Variants in ARHGAP24 observed in about 807,000 individuals in gnomAD.
ARHGAP24 encodes Rho GTPase activating protein 24.
Under a neutral mutation model 76.4 loss-of-function variants are expected in ARHGAP24, and 50 were observed. The observed-to-expected ratio is 0.65, with a 90% CI of 0.52 to 0.83. The LOEUF is 0.83. Among genes scored for constraint, ARHGAP24 ranks in the 40% least tolerant of loss-of-function variants. The pLI, the probability that ARHGAP24 is intolerant of heterozygous loss-of-function variation, is 0.00. For missense variants in ARHGAP24, 930 were observed against 914.2 expected, an observed-to-expected ratio of 1.02 and a Z score of -0.22; for synonymous variants, 345 against 323.3, an observed-to-expected ratio of 1.07 and a Z score of -0.72.
chr4:85,511,284 G>GTAAT (rs1400231938), intron 1 of ARHGAP24, among the ~76,000 whole-genome samples: 1 of 152,014 alleles, frequency 6.6e-6, no homozygotes, highest in Non-Finnish European at 1.5e-5. Context: ...TCTTCTATGT[G>GTAAT]TAATTAAATG....
At chr4:85,678,401 T>A (rs1472865814) in intron 2 of ARHGAP24, among the ~76,000 whole-genome samples, 7 of 152,172 alleles carry the variant, frequency 4.6e-5, no homozygotes. Context: ...AGGGCTATTT[T>A]CTTTGAAAAG....
chr4:85,531,629 A>T (rs529238857), intron 1 of ARHGAP24, among the ~76,000 whole-genome samples: 12 of 152,260 alleles, frequency 7.9e-5, no homozygotes, highest in African/African-American at 2.9e-4. Context: ...TGTGCTTTAA[A>T]TGTAAAATAA....
intron 3 of ARHGAP24, among the ~76,000 whole-genome samples, chr4:85,881,169 C>G (rs572597239): frequency 6.6e-6 from 1 of 152,270 alleles, no homozygotes; most frequent in East Asian, 1.9e-4. Context: ...GTAGTGTATA[C>G]AGCATGGATA....
chr4:85,579,221 C>T (rs1366248934), intron 2 of ARHGAP24, among the ~76,000 whole-genome samples: 1 of 152,028 alleles, frequency 6.6e-6, no homozygotes, highest in Non-Finnish European at 1.5e-5. Flanking sequence ...CTCACATCTA[C>T]TCTTATTAAC....
chr4:85,709,482 A>C (rs1724441238), intron 2 of ARHGAP24, among the ~76,000 whole-genome samples: 1 of 152,174 alleles, frequency 6.6e-6, no homozygotes, highest in African/African-American at 2.4e-5. Context: ...GAAATGTTAA[A>C]GAGCACAGTA....
intron 3 of ARHGAP24, among the ~76,000 whole-genome samples, chr4:85,873,373 T>C (rs1345888574): frequency 1.3e-5 from 2 of 152,220 alleles, no homozygotes; most frequent in Non-Finnish European, 2.9e-5. Flanking sequence ...TTTCTTGCTT[T>C]TCTCCCTATT....
At chr4:85,797,048 T>TAC (rs1728373780) in intron 3 of ARHGAP24, among the ~76,000 whole-genome samples, 1 of 152,186 alleles carries the variant, frequency 6.6e-6, no homozygotes, top group Non-Finnish European at 1.5e-5. Context: ...GGAGCCAGCA[T>TAC]ACAGGCTCTA....
At chr4:85,803,366 T>C (rs963179177) in intron 3 of ARHGAP24, among the ~76,000 whole-genome samples, 1 of 152,210 alleles carries the variant, frequency 6.6e-6, no homozygotes. Context: ...TGTTCTTAAC[T>C]AAATTAGAGC....
intron 2 of ARHGAP24, among the ~76,000 whole-genome samples, chr4:85,576,983 TG>T (rs1727403599): frequency 6.6e-6 from 1 of 151,948 alleles, no homozygotes; most frequent in Admixed American, 6.6e-5. Context: ...AACATTATTT[TG>T]GGTATTAAAT....
At chr4:85,740,224 GT>G (rs35165918) in intron 3 of ARHGAP24, among the ~76,000 whole-genome samples, 73,116 of 144,392 alleles carry the variant, frequency 0.51, 21,603 homozygotes, top group Non-Finnish European at 0.69. Flanking sequence ...TGTTGTTGGG[GT>G]TTTTTTTTTT....
At chr4:85,569,594 T>C (rs1726994051) in intron 1 of ARHGAP24, among the ~76,000 whole-genome samples, 1 of 152,228 alleles carries the variant, frequency 6.6e-6, no homozygotes, top group Non-Finnish European at 1.5e-5. Context: ...TTCCTCATCA[T>C]GTCATGACTG....
intron 3 of ARHGAP24, among the ~76,000 whole-genome samples, chr4:85,727,885 G>A (rs1160654547): frequency 1.3e-5 from 2 of 151,814 alleles, no homozygotes; most frequent in African/African-American, 4.8e-5. Flanking sequence ...CTTCCTCCAG[G>A]GAAAGAAAAG....
At chr4:85,594,838 C>T (rs984346992) in intron 2 of ARHGAP24, among the ~76,000 whole-genome samples, 4 of 152,002 alleles carry the variant, frequency 2.6e-5, no homozygotes, top group Admixed American at 1.3e-4. Context: ...TATCTAACTA[C>T]GTATGAGGTG....
intron 1 of ARHGAP24, among the ~76,000 whole-genome samples, chr4:85,520,401 A>T (rs1724692132): frequency 6.6e-6 from 1 of 152,140 alleles, no homozygotes. Context: ...GACTTCATCT[A>T]ATGTAGGAGC....
intron 3 of ARHGAP24, among the ~76,000 whole-genome samples, chr4:85,902,950 A>G (rs1734585009): frequency 6.6e-6 from 1 of 152,256 alleles, no homozygotes; most frequent in African/African-American, 2.4e-5. Context: ...CTTAAAAGTT[A>G]CTAGTTGAAG....
intron 3 of ARHGAP24, among the ~76,000 whole-genome samples, chr4:85,885,415 A>G (rs1345973332): frequency 6.6e-6 from 1 of 152,112 alleles, no homozygotes; most frequent in Non-Finnish European, 1.5e-5. Context: ...TACATTATCT[A>G]TAGAAACTCA....
intron 2 of ARHGAP24, among the ~76,000 whole-genome samples, chr4:85,689,135 G>T (rs1237097840): frequency 6.6e-6 from 1 of 152,064 alleles, no homozygotes; most frequent in African/African-American, 2.4e-5. Context: ...GATCACTTTG[G>T]TCAGTATGGC....
intron 2 of ARHGAP24, among the ~76,000 whole-genome samples, chr4:85,606,122 T>C (rs1414586334): frequency 6.6e-6 from 1 of 152,196 alleles, no homozygotes; most frequent in African/African-American, 2.4e-5. Flanking sequence ...AAAAAAATGT[T>C]TTGAATACCT....
chr4:85,652,120 T>A (rs1721967927), intron 2 of ARHGAP24, among the ~76,000 whole-genome samples: 1 of 152,178 alleles, frequency 6.6e-6, no homozygotes. Flanking sequence ...CAATACAAAA[T>A]ATTGATGCCA....
Sources: allele counts gnomAD v4.1 joint callset (sites outside exome capture counted in the v4.1 genomes callset), GRCh38; gene constraint gnomAD v4.1.1; transcripts MANE v1.5; gene names NCBI Gene and HGNC (gene_info 2026-07-23, HGNC 2026-07-21).